The following PPM1H variants were observed in gnomAD, a reference collection of about 807,000 sequenced individuals.
PPM1H encodes protein phosphatase 1H.
PPM1H carries 27 observed loss-of-function variants against 54.9 expected under a neutral mutation model. That is an observed-to-expected ratio of 0.49 (90% CI 0.36 to 0.68). The LOEUF is 0.68. Among genes scored for constraint, PPM1H ranks in the 30% least tolerant of loss-of-function variants. The pLI is 0.00. For synonymous variants in PPM1H, 305 were observed against 270.8 expected (o/e 1.13, Z -1.24); for missense variants, 596 against 667.8 (o/e 0.89, Z 1.19).
At chr12:62,737,641 G>A in intron 4 of PPM1H, 55 bp from the exon 5 acceptor site, 2 of 1,266,414 alleles carry the variant, frequency 1.6e-6, no homozygotes, top group East Asian at 2.6e-5. Context: ...CTCTGATTCT[G>A]TTACAACCAT....
intron 4 of PPM1H, among the ~76,000 whole-genome samples, chr12:62,741,462 C>A (rs2076380450): frequency 6.6e-6 from 1 of 152,338 alleles, no homozygotes; most frequent in African/African-American, 2.4e-5. Flanking sequence ...GATGGCTTCC[C>A]AGCTTTTCCA....
chr12:62,821,673 T>C (rs11174678), intron 2 of PPM1H, among the ~76,000 whole-genome samples: 10,748 of 152,160 alleles, frequency 0.071, 507 homozygotes, highest in Middle Eastern at 0.13. Context: ...GCTTCATAAG[T>C]GAAGGAGAAA....
intron 8 of PPM1H, among the ~76,000 whole-genome samples, chr12:62,682,651 G>A (rs1229015642): frequency 6.6e-6 from 1 of 152,132 alleles, no homozygotes; most frequent in Non-Finnish European, 1.5e-5. Context: ...TTACAGGTGT[G>A]CACCACTATG....
chr12:62,920,866 G>T (rs901570693), intron 1 of PPM1H, among the ~76,000 whole-genome samples: 8 of 151,992 alleles, frequency 5.3e-5, no homozygotes, highest in African/African-American at 1.9e-4. Context: ...CACCATAGCA[G>T]ACCACTTAAA....
intron 2 of PPM1H, among the ~76,000 whole-genome samples, chr12:62,804,675 TC>T (rs1229455199): frequency 0.041 from 5,714 of 140,174 alleles, 265 homozygotes; most frequent in South Asian, 0.066. Flanking sequence ...TCTTTTTTTT[TC>T]TTTTTTTTTT....
intron 3 of PPM1H, among the ~76,000 whole-genome samples, chr12:62,797,379 T>C (rs1459081422): frequency 6.6e-6 from 1 of 152,182 alleles, no homozygotes; most frequent in Non-Finnish European, 1.5e-5. Flanking sequence ...GAAATGCCTA[T>C]ATGACAACTC....
chr12:62,771,887 C>G (rs543965308), intron 4 of PPM1H, among the ~76,000 whole-genome samples: 1 of 152,130 alleles, frequency 6.6e-6, no homozygotes, highest in Non-Finnish European at 1.5e-5. Flanking sequence ...ATTAACTAAG[C>G]CTTCAGTTCT....
chr12:62,926,998 ATATC>A (rs1438137764), intron 1 of PPM1H, among the ~76,000 whole-genome samples: 3 of 152,248 alleles, frequency 2.0e-5, no homozygotes, highest in African/African-American at 7.2e-5. Flanking sequence ...TGGCTAATAA[ATATC>A]TATAACATAT....
At chr12:62,826,608 T>G (rs1301389699) in intron 2 of PPM1H, among the ~76,000 whole-genome samples, 1 of 152,238 alleles carries the variant, frequency 6.6e-6, no homozygotes, top group African/African-American at 2.4e-5. Flanking sequence ...ATTGTAAATT[T>G]CATGTTATTT....
chr12:62,925,020 G>A (rs1871931329), intron 1 of PPM1H, among the ~76,000 whole-genome samples: 1 of 152,270 alleles, frequency 6.6e-6, no homozygotes, highest in Middle Eastern at 3.4e-3. Flanking sequence ...TCCAGCCTGA[G>A]CGACAGAGCA....
intron 1 of PPM1H, among the ~76,000 whole-genome samples, chr12:62,933,336 G>T (rs977628806): frequency 6.6e-6 from 1 of 152,110 alleles, no homozygotes; most frequent in Admixed American, 6.5e-5. Flanking sequence ...CCTTAGGGTC[G>T]GGAACCAAGC....
intron 4 of PPM1H, among the ~76,000 whole-genome samples, chr12:62,744,773 G>C (rs2076401213): frequency 6.6e-6 from 1 of 152,182 alleles, no homozygotes; most frequent in African/African-American, 2.4e-5. Context: ...CGCCAGGACA[G>C]CTGCAGCCCA....
rs200520850 is a variant in PPM1H, at chr12:62,898,547, C to A, written c.245+35945G>T. On this transcript the variant is annotated intron_variant, in intron 1 of 9. Transcript: ENST00000228705. The stretch of plus-strand genomic sequence containing the variant: ...GTTTTCAAAACAGTGCAAACATACA[C>A]AAATCACAACACACTTCTTAATTTG... 5.9e-5 allele frequency among the ~76,000 whole-genome samples: 9 copies of A among 152,322 alleles called. No homozygotes were observed. In the East Asian group the frequency reaches 1.5e-3, roughly 26 times the overall value.
intron 8 of PPM1H, among the ~76,000 whole-genome samples, chr12:62,671,694 T>C (rs944308407): frequency 6.6e-6 from 1 of 152,196 alleles, no homozygotes; most frequent in African/African-American, 2.4e-5. Context: ...GAAGGTACCA[T>C]CTGAGCGAGT....
intron 5 of PPM1H, among the ~76,000 whole-genome samples, chr12:62,732,558 G>GT (rs781291252): frequency 3.3e-4 from 49 of 149,926 alleles, no homozygotes; most frequent in East Asian, 1.8e-3. Context: ...GGACCCAGAA[G>GT]TTTTTTTTTG....
chr12:62,648,345 A>C lies in PPM1H; in HGVS notation c.*144T>G, dbSNP rs1393873487. The C allele has an allele frequency of 4.0e-6, 4 of 1,003,838 alleles. No individual in the cohort carries two copies. The Admixed American group carries it at 9.7e-5, about 24-fold the overall frequency. 62.2% of individuals were successfully genotyped at this position (1,003,838 alleles called of 1,614,324 possible). On this transcript the variant is annotated 3_prime_UTR_variant, in exon 10 of 10. Transcript: ENST00000228705. ...GGAAACCAAAGGGTCATCTTGAAGC[A>C]TAGTCTTTTGGCCATGAACTCCCCG... is the stretch of plus-strand genomic sequence containing the variant.
At chr12:62,685,914 TG>T in intron 8 of PPM1H, among the ~76,000 whole-genome samples, 1 of 152,358 alleles carries the variant, frequency 6.6e-6, no homozygotes, top group Non-Finnish European at 1.5e-5. Flanking sequence ...AAAATAAACT[TG>T]GTATGTTGTC....
intron 3 of PPM1H, among the ~76,000 whole-genome samples, chr12:62,801,262 A>G (rs2076767445): frequency 6.6e-6 from 1 of 152,136 alleles, no homozygotes; most frequent in Admixed American, 6.5e-5. Context: ...TAAAAGCAAT[A>G]AGGCCTGTAT....
intron 6 of PPM1H, among the ~76,000 whole-genome samples, chr12:62,714,244 A>G (rs1350543259): frequency 2.6e-5 from 4 of 152,088 alleles, no homozygotes; most frequent in Non-Finnish European, 5.9e-5. Flanking sequence ...TAATTTAGCT[A>G]ATTTAAATGG....
Sources: allele counts gnomAD v4.1 joint callset (sites outside exome capture counted in the v4.1 genomes callset), GRCh38; gene constraint gnomAD v4.1.1; transcripts MANE v1.5; gene names NCBI Gene and HGNC (gene_info 2026-07-23, HGNC 2026-07-21).